ZFPM2: variants seen among roughly 807,000 people sequenced by gnomAD.
ZFPM2 encodes zinc finger protein, FOG family member 2, also known as zinc finger protein ZFPM2.
In ZFPM2, 20 loss-of-function variants were observed where a neutral mutation model predicts 98.6. That is an observed-to-expected ratio of 0.20 (90% CI 0.14 to 0.29). The LOEUF is 0.29. Ranked by LOEUF, ZFPM2 falls within the 10% of genes least tolerant of loss-of-function variation. The pLI, the probability that ZFPM2 is intolerant of heterozygous loss-of-function variation, is 1.00. For synonymous variants in ZFPM2, 518 were observed against 502.7 expected (o/e 1.03, Z -0.41); for missense variants, 1,310 against 1,388.6 (o/e 0.94, Z 0.90).
Position 105,561,415 on chromosome 8 carries a change from G to A in ZFPM2, c.354G>A (p.Gln118=). The change falls in exon 4 of 8, where the codon CAG becomes CAA. Residue 118 remains glutamine (Q), a synonymous_variant. Coordinates refer to ENST00000407775, the MANE Select transcript of ZFPM2 (RefSeq NM_012082.4). ...KDGERKIQSR[Q]QLPVGTTWGP... is the part of the protein sequence containing the mutation. Reference sequence around the variant, plus strand: ...GGGAACGAAAAATTCAGAGTCGACAGCAACTTCCAGTGGGAACAACCTGGG... The same window carrying A: ...GGGAACGAAAAATTCAGAGTCGACAACAACTTCCAGTGGGAACAACCTGGG... 1 of 1,613,586 alleles carries A rather than the reference G, an allele frequency of 6.2e-7. No individual in the cohort carries two copies. Among genetic ancestry groups the A allele is most frequent in the Non-Finnish European group, 8.5e-7 (1 of 1,179,662 alleles).
intron 4 of ZFPM2, among the ~76,000 whole-genome samples, chr8:105,568,843 T>A (rs992044968): frequency 2.6e-5 from 4 of 152,008 alleles, no homozygotes; most frequent in Admixed American, 1.3e-4. Context: ...GATGCTCACC[T>A]CCCCAGTTCT....
At chr8:105,775,597 T>A (rs1380096536) in intron 5 of ZFPM2, among the ~76,000 whole-genome samples, 1 of 152,128 alleles carries the variant, frequency 6.6e-6, no homozygotes, top group Non-Finnish European at 1.5e-5. Context: ...ATGCTTTTGT[T>A]TACAAGCAGA....
chr8:105,647,978 G>A (rs1398737212), intron 5 of ZFPM2, among the ~76,000 whole-genome samples: 3 of 152,160 alleles, frequency 2.0e-5, no homozygotes, highest in Non-Finnish European at 4.4e-5. Context: ...GGTTGAACCA[G>A]TTTAGAGTCC....
Position 105,728,089 on chromosome 8 carries a change from G to A in ZFPM2, c.533-60629G>A, listed in dbSNP as rs1329653354. ...AAGTTTGAAACCACTCCTTTAACAA[G>A]TATGCAAATAAGCTTTAAAATGGTT... is the stretch of plus-strand genomic sequence containing the variant. On this transcript the variant is annotated intron_variant, in intron 5 of 7. Coordinates refer to ENST00000407775, the MANE Select transcript of ZFPM2 (RefSeq NM_012082.4). 3.3e-5 allele frequency among the ~76,000 whole-genome samples: 5 copies of A among 151,582 alleles called. No homozygotes were observed. The East Asian group carries it at 9.8e-4, about 30-fold the overall frequency.
At chr8:105,484,533 T>A (rs1451294594) in intron 3 of ZFPM2, among the ~76,000 whole-genome samples, 1 of 152,212 alleles carries the variant, frequency 6.6e-6, no homozygotes, top group Admixed American at 6.5e-5. Flanking sequence ...TTTAACTAAT[T>A]TTAATCAGTT....
chr8:105,793,512 C>T (rs1451857607), intron 6 of ZFPM2, among the ~76,000 whole-genome samples: 1 of 152,112 alleles, frequency 6.6e-6, no homozygotes, highest in Non-Finnish European at 1.5e-5. Flanking sequence ...TCTGGCTGCC[C>T]TTAACATTTT....
intron 5 of ZFPM2, among the ~76,000 whole-genome samples, chr8:105,650,082 T>G (rs1817138182): frequency 6.6e-6 from 1 of 152,306 alleles, no homozygotes; most frequent in South Asian, 2.1e-4. Flanking sequence ...GGGATTCAAC[T>G]TCTCCGAAGA....
Position 105,735,140 on chromosome 8 carries a change from A to G in ZFPM2, c.533-53578A>G, listed in dbSNP as rs535290232. Among the ~76,000 whole-genome samples the G allele has an allele frequency of 1.6e-4, 23 of 148,364 alleles. No homozygotes were observed. In the South Asian group the frequency reaches 4.6e-3, roughly 30 times the overall value. The stretch of plus-strand genomic sequence containing the variant: ...ATATATATATAATGTATCTACATCT[A>G]TAATATAGACATAGATCTATATAGA... On this transcript the variant is annotated intron_variant, in intron 5 of 7. Transcript: ENST00000407775.
chr8:105,688,122 T>C (rs1288303646), intron 5 of ZFPM2, among the ~76,000 whole-genome samples: 1 of 152,042 alleles, frequency 6.6e-6, no homozygotes, highest in Admixed American at 6.6e-5. Flanking sequence ...AACTTTAAAA[T>C]GTTTTAACTA....
At position 105,318,859 on chromosome 8, in the gene ZFPM2, C is replaced by CGGA; in HGVS notation, c.-81_-80insAGG. ...CGAGCCTGGCCAGCGGCGGCGGCGG[C>CGGA]GGCGGCGGCGGCGGGAGCCGAGGGA... is the stretch of plus-strand genomic sequence containing the variant. On this transcript the variant is annotated 5_prime_UTR_variant, in exon 1 of 8. Coordinates refer to ENST00000407775, the MANE Select transcript of ZFPM2 (RefSeq NM_012082.4). 1 of 862,632 alleles carries CGGA rather than the reference C, an allele frequency of 1.2e-6. No homozygotes were observed. Among genetic ancestry groups the CGGA allele is most frequent in the Non-Finnish European group, 1.3e-6 (1 of 742,926 alleles). The allele number at this position is 862,632 out of a possible 1,614,324, so 53.4% of individuals were successfully genotyped here.
intron 3 of ZFPM2, among the ~76,000 whole-genome samples, chr8:105,458,641 A>G (rs1812644921): frequency 6.6e-6 from 1 of 152,206 alleles, no homozygotes; most frequent in Non-Finnish European, 1.5e-5. Context: ...TTGACAGTGC[A>G]TATTTTCAGT....
chr8:105,540,350 C>T (rs1295070850), intron 3 of ZFPM2, among the ~76,000 whole-genome samples: 1 of 151,968 alleles, frequency 6.6e-6, no homozygotes, highest in Admixed American at 6.6e-5. Context: ...TGTCATCAAG[C>T]CTTAGCCTTC....
In ZFPM2 at chr8:105,649,117, G is replaced by T. The variant is rs572676834; in HGVS notation, c.532+14760G>T. ...ACATCCCTTGTAAGTTTGATTCCTA[G>T]GTATTTTGTTCTCTTTGAAGCAATT... On this transcript the variant is annotated intron_variant, in intron 5 of 7. Transcript: ENST00000407775. Among the ~76,000 whole-genome samples the T allele has an allele frequency of 5.9e-5, 9 of 152,222 alleles. No homozygotes were observed. In the South Asian group the frequency reaches 1.9e-3, roughly 32 times the overall value.
At chr8:105,380,759 C>CAT (rs1373975839) in intron 1 of ZFPM2, among the ~76,000 whole-genome samples, 1 of 30,130 alleles carries the variant, frequency 3.3e-5, no homozygotes, top group South Asian at 8.3e-4. Flanking sequence ...TTATATATAA[C>CAT]ATATATAATA....
chr8:105,764,481 TCCG>T (rs1812814108), intron 5 of ZFPM2, among the ~76,000 whole-genome samples: 2 of 151,800 alleles, frequency 1.3e-5, no homozygotes, highest in African/African-American at 4.8e-5. Flanking sequence ...CTTTTTTACT[TCCG>T]TTTTTCAATA....
chr8:105,537,662 A>G (rs1814482280), intron 3 of ZFPM2, among the ~76,000 whole-genome samples: 2 of 152,152 alleles, frequency 1.3e-5, no homozygotes, highest in South Asian at 2.1e-4. Context: ...AGCCTGGGCA[A>G]CAGTGTGAGA....
At chr8:105,584,230 T>A (rs1815664275) in intron 4 of ZFPM2, among the ~76,000 whole-genome samples, 1 of 152,214 alleles carries the variant, frequency 6.6e-6, no homozygotes, top group Admixed American at 6.5e-5. Context: ...TAAATGTTTT[T>A]AAGGTTAACT....
chr8:105,734,447 G>A (rs1266809101), intron 5 of ZFPM2, among the ~76,000 whole-genome samples: 4 of 151,934 alleles, frequency 2.6e-5, no homozygotes, highest in Non-Finnish European at 5.9e-5. Context: ...AAGTTGAGAT[G>A]TATGAAATGT....
At chr8:105,464,535 A>G (rs1284767650) in intron 3 of ZFPM2, among the ~76,000 whole-genome samples, 2 of 152,056 alleles carry the variant, frequency 1.3e-5, no homozygotes, top group African/African-American at 4.8e-5. Flanking sequence ...ACCATCAGTC[A>G]GGATGTGGGA....
Sources: allele counts gnomAD v4.1 joint callset (sites outside exome capture counted in the v4.1 genomes callset), GRCh38; gene constraint gnomAD v4.1.1; transcripts MANE v1.5; gene names NCBI Gene and HGNC (gene_info 2026-07-23, HGNC 2026-07-21).